Variants in CC2D2A observed in about 807,000 individuals in gnomAD.
CC2D2A encodes coiled-coil and C2 domain containing 2A, also known as coiled-coil and C2 domain-containing protein 2A.
A neutral mutation model predicts 212.9 loss-of-function variants in CC2D2A; 155 were observed. That is an observed-to-expected ratio of 0.73 (90% CI 0.64 to 0.83). CC2D2A has a LOEUF of 0.83. Among genes scored for constraint, CC2D2A ranks in the 40% least tolerant of loss-of-function variants. CC2D2A has a pLI of 0.00. For missense variants in CC2D2A, 1,856 were observed against 1,956.2 expected, an observed-to-expected ratio of 0.95 and a Z score of 0.97; for synonymous variants, 667 against 686.5, an observed-to-expected ratio of 0.97 and a Z score of 0.44.
chr4:15,537,753 A>G (rs1292588460), intron 15 of CC2D2A, 146 bp from the exon 16 acceptor site: 3 of 748,228 alleles, frequency 4.0e-6, no homozygotes, highest in African/African-American at 3.5e-5. Context: ...CAGAGAGGTC[A>G]GGTGGCTTAG....
chr4:15,596,159 A>T lies in CC2D2A; in HGVS notation c.4389A>T (p.Lys1463Asn), dbSNP rs1407804611. The T allele has an allele frequency of 6.5e-7, 1 of 1,549,450 alleles. No individual in the cohort carries two copies. The highest frequency in any genetic ancestry group is 8.7e-7 in the Non-Finnish European group (1 of 1,145,836). ...NFDVTRPKLW[K>N]SFFSRSLPYP... ...ATGTCACCAGGCCCAAGCTATGGAA[A>T]TCTTTCTTTTCAAGAAGCCTTCCAT... The change falls in exon 34 of 37, where the codon AAA becomes AAT. Residue 1463 changes from lysine (K) to asparagine (N), a missense_variant. This residue lies in a region of CC2D2A where 285 missense variants were observed against 278.4 expected (regional missense o/e 1.02). Transcript: ENST00000424120.
chr4:15,587,648 T>C (rs535778227), intron 31 of CC2D2A, among the ~76,000 whole-genome samples, 168 bp from the exon 32 acceptor site: 2 of 152,230 alleles, frequency 1.3e-5, no homozygotes, highest in Admixed American at 1.3e-4. Context: ...CCACTAAAAG[T>C]GGTTTTTTAA....
intron 8 of CC2D2A, among the ~76,000 whole-genome samples, chr4:15,512,860 G>A (rs1299290232): frequency 6.6e-6 from 1 of 151,856 alleles, no homozygotes; most frequent in Non-Finnish European, 1.5e-5. Flanking sequence ...GCTGAGGCAG[G>A]AGTATTACTT....
chr4:15,540,923 T>C lies in CC2D2A; in HGVS notation c.2090T>C (p.Val697Ala), dbSNP rs766282869. 36 of 1,577,084 alleles carry C rather than the reference T, an allele frequency of 2.3e-5. No individual in the cohort carries two copies. The East Asian group carries it at 8.1e-4, about 36-fold the overall frequency. The change falls in exon 17 of 37, where the codon GTC (valine) becomes GCC (alanine). Residue 697 changes from valine (V) to alanine (A), a missense_variant. Around this residue, in one of 5 missense-constraint regions of CC2D2A, gnomAD observed 1,512 missense variants for 1,579.3 expected, o/e 0.96. Coordinates refer to ENST00000424120, the MANE Select transcript of CC2D2A (RefSeq NM_001378615.1). ...LFNNKEVSRT[V>A]SRPLGADFRV... ...AACAACAAGGAGGTGTCCAGGACAG[T>C]CAGTCGGCCACTAGGAGCAGACTTC...
chr4:15,496,183 T>C (rs1028732478), intron 4 of CC2D2A, among the ~76,000 whole-genome samples: 5 of 152,166 alleles, frequency 3.3e-5, no homozygotes, highest in African/African-American at 1.2e-4. Context: ...CTGTAGGTTG[T>C]CTGTTTGCTC....
intron 4 of CC2D2A, chr4:15,482,206 T>C (rs1714717361): frequency 1.0e-6 from 1 of 985,264 alleles, no homozygotes; most frequent in Admixed American, 6.1e-5. Flanking sequence ...GGTTCTAATC[T>C]AAAAGCAATG....
chr4:15,589,724 T>C lies in CC2D2A; in HGVS notation c.4314+45T>C, dbSNP rs1178672434. 3 of 1,362,566 alleles carry C rather than the reference T, an allele frequency of 2.2e-6. No individual in the cohort carries two copies. In the South Asian group the frequency reaches 6.6e-5, roughly 30 times the overall value. The allele number at this position is 1,362,566 out of a possible 1,614,324, so 84.4% of individuals were successfully genotyped here. On this transcript the variant is annotated intron_variant, in intron 33 of 36. Transcript: ENST00000424120. ...CTTAAATATGGTTAGCTGTCGTTTC[T>C]TTTAAATAACTGACCTATTGATTTA...
chr4:15,562,430 A>G (rs1039210768), intron 23 of CC2D2A, among the ~76,000 whole-genome samples: 1 of 152,222 alleles, frequency 6.6e-6, no homozygotes, highest in Non-Finnish European at 1.5e-5. Context: ...CGTTTCTCCT[A>G]TGATTCACTG....
chr4:15,596,386 G>A (rs944408762), intron 34 of CC2D2A, among the ~76,000 whole-genome samples, 179 bp downstream of exon 34: 1 of 151,968 alleles, frequency 6.6e-6, no homozygotes, highest in Non-Finnish European at 1.5e-5. Flanking sequence ...GAAAGGACCA[G>A]TATACACATC....
chr4:15,579,882 T>C, intron 29 of CC2D2A, 86 bp from the exon 30 acceptor site: 3 of 1,047,374 alleles, frequency 2.9e-6, no homozygotes, highest in South Asian at 1.4e-5. Flanking sequence ...AAACCATACA[T>C]TTCCTGCATG....
Position 15,553,158 on chromosome 4 carries a change from G to A in CC2D2A, c.2339G>A (p.Gly780Glu), listed in dbSNP as rs1044466497. The part of the protein sequence containing the change: ...VTLDHEGVGS[G>E]VPFSFEADGS... ...CCTGTTTAATCTGGTGTTTCCCCAGGAGTGCCCTTCTCATTTGAAGCTGAT... is the reference window on the plus strand; with the variant it reads ...CCTGTTTAATCTGGTGTTTCCCCAGAAGTGCCCTTCTCATTTGAAGCTGAT... Residue 780 changes from glycine (G) to glutamate (E), a missense_variant and splice_region_variant, in exon 19 of 37, where the codon GGA becomes GAA. This residue lies in a region of CC2D2A where 1,512 missense variants were observed against 1,579.3 expected (regional missense o/e 0.96). Transcript: ENST00000424120. The A allele has an allele frequency of 6.3e-7, 1 of 1,597,964 alleles. No homozygotes were observed. The highest frequency in any genetic ancestry group is 1.4e-5 in the African/African-American group (1 of 74,014).
At chr4:15,533,499 A>C in intron 14 of CC2D2A, 166 bp downstream of exon 14, 1 of 471,966 alleles carries the variant, frequency 2.1e-6, no homozygotes, top group Non-Finnish European at 3.7e-6. Context: ...CCCAAATAAC[A>C]TTCTCCTCAA....
At chr4:15,508,262 C>T (rs1238078302) in intron 6 of CC2D2A, among the ~76,000 whole-genome samples, 1 of 152,190 alleles carries the variant, frequency 6.6e-6, no homozygotes, top group Admixed American at 6.5e-5. Flanking sequence ...TTCTCCTGCA[C>T]TCACTTTCCA....
chr4:15,476,704 A>G (rs938434234), intron 2 of CC2D2A, among the ~76,000 whole-genome samples: 1 of 152,226 alleles, frequency 6.6e-6, no homozygotes, highest in Non-Finnish European at 1.5e-5. Context: ...GACATTCAGA[A>G]TGAAGGTAAC....
In CC2D2A at chr4:15,502,397, T is replaced by A. The variant is rs921979141; in HGVS notation, c.248-32T>A. 1.9e-5 allele frequency: 28 copies of A among 1,513,500 alleles called. 1 individual carries two copies. The highest frequency in any genetic ancestry group is 1.8e-4 in the Middle Eastern group (1 of 5,538). 93.8% of individuals were successfully genotyped at this position (1,513,500 alleles called of 1,614,324 possible). A position where few individuals can be genotyped will look rare whatever the true frequency, so the allele number is the denominator to read the frequency against. Reference sequence around the variant, plus strand: ...TTTTCTTTTCTTTTTCTTTTTTTTTTATTTTGTTTTGTTTTTGTTTTTGTT... The same window carrying A: ...TTTTCTTTTCTTTTTCTTTTTTTTTAATTTTGTTTTGTTTTTGTTTTTGTT... On this transcript the variant is annotated intron_variant, in intron 4 of 36. Transcript: ENST00000424120.
At chr4:15,559,314 G>A (rs1013489417) in intron 22 of CC2D2A, 57 bp downstream of exon 22, 8 of 1,122,214 alleles carry the variant, frequency 7.1e-6, no homozygotes, top group East Asian at 2.6e-5. Context: ...GCACCCTAAG[G>A]TGGAAAGTCC....
intron 1 of CC2D2A, among the ~76,000 whole-genome samples, chr4:15,472,462 A>T (rs376767308): frequency 2.6e-4 from 39 of 152,244 alleles, no homozygotes; most frequent in African/African-American, 9.2e-4. Flanking sequence ...CAGTGTTCAT[A>T]TAAAAAATAA....
chr4:15,507,765 T>C (rs1360136367), intron 6 of CC2D2A, among the ~76,000 whole-genome samples: 1 of 152,206 alleles, frequency 6.6e-6, no homozygotes, highest in Non-Finnish European at 1.5e-5. Context: ...TTGGAGAACG[T>C]AACAGTGGCC....
chr4:15,540,876 A>G lies in CC2D2A; in HGVS notation c.2043A>G (p.Ser681=). ...VSRREDVKKR[S]VYLKVLFNNK... ...GAAGGGAGGATGTAAAGAAGCGCTC[A>G]GTGTACTTAAAAGTGCTGTTCAACA... Residue 681 remains serine (S), a synonymous_variant, in exon 17 of 37, where the codon TCA becomes TCG. Coordinates refer to ENST00000424120, the MANE Select transcript of CC2D2A (RefSeq NM_001378615.1). 6.3e-7 allele frequency: 1 copy of G among 1,599,044 alleles called. No individual in the cohort carries two copies. The highest frequency in any genetic ancestry group is 8.5e-7 in the Non-Finnish European group (1 of 1,172,582).
Sources: allele counts gnomAD v4.1 joint callset (sites outside exome capture counted in the v4.1 genomes callset), GRCh38; gene constraint gnomAD v4.1.1; regional missense constraint gnomAD v4.1.1; transcripts MANE v1.5; gene names NCBI Gene and HGNC (gene_info 2026-07-23, HGNC 2026-07-21).